The following EXOC6B variants were observed in gnomAD, a reference collection of about 807,000 sequenced individuals.
EXOC6B encodes SEC15 homolog B.
A neutral mutation model predicts 113.5 loss-of-function variants in EXOC6B; 54 were observed. The observed-to-expected ratio is 0.48, with a 90% CI of 0.38 to 0.60. EXOC6B has a LOEUF of 0.60. Ranked by LOEUF, EXOC6B falls within the 20% of genes least tolerant of loss-of-function variation. The pLI is 0.00. For synonymous variants in EXOC6B, 357 were observed against 339.0 expected, an observed-to-expected ratio of 1.05 and a Z score of -0.58; for missense variants, 797 against 977.5, an observed-to-expected ratio of 0.82 and a Z score of 2.46.
chr2:72,190,824 A>G (rs1287661543), intron 20 of EXOC6B, among the ~76,000 whole-genome samples: 1 of 152,192 alleles, frequency 6.6e-6, no homozygotes, highest in African/African-American at 2.4e-5. Context: ...CGGTTTTTGT[A>G]AACTAGGTAA....
intron 18 of EXOC6B, among the ~76,000 whole-genome samples, chr2:72,460,100 T>G (rs1278530926): frequency 6.6e-6 from 1 of 151,870 alleles, no homozygotes; most frequent in Non-Finnish European, 1.5e-5. Context: ...AAACAAGAAA[T>G]GGGGAAAGGA....
intron 18 of EXOC6B, among the ~76,000 whole-genome samples, chr2:72,410,525 G>T (rs1158044091): frequency 6.6e-6 from 1 of 152,134 alleles, no homozygotes; most frequent in Non-Finnish European, 1.5e-5. Context: ...AATTTTATCA[G>T]GTGAAAGTCA....
At chr2:72,580,314 T>C (rs976995969) in intron 6 of EXOC6B, among the ~76,000 whole-genome samples, 1 of 151,772 alleles carries the variant, frequency 6.6e-6, no homozygotes, top group African/African-American at 2.4e-5. Context: ...GCTCTGTTTT[T>C]GTATTTTTAG....
chr2:72,743,582 G>A (rs939617545), intron 1 of EXOC6B, among the ~76,000 whole-genome samples: 2 of 151,842 alleles, frequency 1.3e-5, no homozygotes, highest in African/African-American at 2.4e-5. Flanking sequence ...GTCTATCTCC[G>A]CCTCCCCACA....
At chr2:72,366,399 G>A (rs1690630874) in intron 19 of EXOC6B, among the ~76,000 whole-genome samples, 1 of 151,962 alleles carries the variant, frequency 6.6e-6, no homozygotes, top group South Asian at 2.1e-4. Context: ...AAAATGAAGT[G>A]CATAAAGAAG....
intron 8 of EXOC6B, among the ~76,000 whole-genome samples, chr2:72,556,213 T>A (rs1218770038): frequency 6.6e-6 from 1 of 152,232 alleles, no homozygotes; most frequent in Non-Finnish European, 1.5e-5. Flanking sequence ...CTGCTTGTTA[T>A]GAGACTTTTA....
At chr2:72,345,694 T>C (rs1689286923) in intron 19 of EXOC6B, among the ~76,000 whole-genome samples, 1 of 152,052 alleles carries the variant, frequency 6.6e-6, no homozygotes. Context: ...GATGAATAGG[T>C]GCAAAACAGA....
At chr2:72,625,464 T>C (rs901899750) in intron 6 of EXOC6B, among the ~76,000 whole-genome samples, 16 of 152,230 alleles carry the variant, frequency 1.1e-4, no homozygotes, top group South Asian at 4.2e-4. Context: ...ACAAAATTGA[T>C]TGCCAGACTC....
chr2:72,349,384 T>G (rs1329088874), intron 19 of EXOC6B, among the ~76,000 whole-genome samples: 1 of 152,044 alleles, frequency 6.6e-6, no homozygotes, highest in Non-Finnish European at 1.5e-5. Context: ...TCTTAGAGAA[T>G]CTGAAGGGAG....
intron 18 of EXOC6B, among the ~76,000 whole-genome samples, chr2:72,413,749 G>A (rs1040786510): frequency 6.6e-6 from 1 of 151,516 alleles, no homozygotes; most frequent in African/African-American, 2.4e-5. Context: ...GGTTGGTCTC[G>A]AACTCCTGGC....
Position 72,514,693 on chromosome 2 carries a change from A to G in EXOC6B, c.1000-13T>C. On this transcript the variant is annotated splice_polypyrimidine_tract_variant and intron_variant, in intron 9 of 21. Transcript: ENST00000272427. ...CTAAAGTTTCATGCTGCAACAAAGC[A>G]AAGAAGAAAAAGTTATTGTTTCTGT... 1 of 1,473,262 alleles carries G rather than the reference A, an allele frequency of 6.8e-7. No individual in the cohort carries two copies. Among genetic ancestry groups the G allele is most frequent in the Middle Eastern group, 2.0e-4 (1 of 4,978 alleles). 91.3% of individuals were successfully genotyped at this position (1,473,262 alleles called of 1,614,324 possible). A position where few individuals can be genotyped will look rare whatever the true frequency, so the allele number is the denominator to read the frequency against.
At chr2:72,789,851 G>T (rs1267905299) in intron 1 of EXOC6B, among the ~76,000 whole-genome samples, 1 of 151,998 alleles carries the variant, frequency 6.6e-6, no homozygotes, top group Non-Finnish European at 1.5e-5. Context: ...AAAAAGTTTG[G>T]GTAGCAAAGG....
At chr2:72,472,232 A>AT (rs1332649329) in intron 17 of EXOC6B, among the ~76,000 whole-genome samples, 3 of 152,128 alleles carry the variant, frequency 2.0e-5, no homozygotes, top group African/African-American at 7.2e-5. Context: ...GGCTTACAGA[A>AT]TAAGTTACGG....
chr2:72,282,818 G>A (rs1196380330), intron 20 of EXOC6B, among the ~76,000 whole-genome samples: 1 of 152,066 alleles, frequency 6.6e-6, no homozygotes, highest in Admixed American at 6.6e-5. Context: ...ATTAAAAAAG[G>A]AATATCACAA....
intron 20 of EXOC6B, among the ~76,000 whole-genome samples, chr2:72,209,900 T>TTAA (rs1559018649): frequency 6.6e-6 from 1 of 152,228 alleles, no homozygotes; most frequent in Non-Finnish European, 1.5e-5. Context: ...TTTCTTAAAA[T>TTAA]TAATGGTATT....
chr2:72,265,239 T>TTTTTTA (rs369845723), intron 20 of EXOC6B, among the ~76,000 whole-genome samples: 6 of 146,848 alleles, frequency 4.1e-5, no homozygotes, highest in African/African-American at 1.5e-4. Context: ...TAACTATTCT[T>TTTTTTA]TTATTATTAT....
intron 20 of EXOC6B, among the ~76,000 whole-genome samples, chr2:72,222,277 A>G (rs1001339095): frequency 3.9e-5 from 6 of 152,212 alleles, no homozygotes; most frequent in Non-Finnish European, 8.8e-5. Flanking sequence ...AATGTGTGGA[A>G]AAGTTCAAAG....
chr2:72,646,702 C>G (rs1673745008), intron 6 of EXOC6B, among the ~76,000 whole-genome samples: 2 of 152,164 alleles, frequency 1.3e-5, no homozygotes, highest in South Asian at 4.1e-4. Flanking sequence ...ACAAAAACCA[C>G]ATGATTATCT....
At chr2:72,341,345 A>T (rs1487299315) in intron 19 of EXOC6B, among the ~76,000 whole-genome samples, 1 of 152,144 alleles carries the variant, frequency 6.6e-6, no homozygotes, top group Admixed American at 6.6e-5. Context: ...CTGACAAAGG[A>T]CTAGTATCCA....
Sources: gnomAD v4.1 joint callset for allele counts (sites outside exome capture counted in the v4.1 genomes callset) on GRCh38, gnomAD v4.1.1 for gene constraint, MANE v1.5 for transcripts, NCBI Gene and HGNC (gene_info 2026-07-23, HGNC 2026-07-21) for gene names.